Variants in FCF1 observed in about 807,000 individuals in gnomAD.
FCF1 encodes the protein FCF1 rRNA-processing protein.
Under a neutral mutation model 32.5 loss-of-function variants are expected in FCF1, and 17 were observed. That is an observed-to-expected ratio of 0.52 (90% CI 0.36 to 0.78). The LOEUF (loss-of-function observed/expected upper bound fraction) is 0.78. FCF1 is among the 30% of genes least tolerant of loss of function. FCF1 has a pLI of 0.00. For synonymous variants in FCF1, 84 were observed against 78.4 expected, an observed-to-expected ratio of 1.07 and a Z score of -0.38; for missense variants, 201 against 241.1, an observed-to-expected ratio of 0.83 and a Z score of 1.10.
intron 6 of FCF1, among the ~76,000 whole-genome samples, chr14:74,733,413 C>G (rs1594793164): frequency 2.2e-5 from 1 of 45,532 alleles, no homozygotes; most frequent in Non-Finnish European, 4.4e-5. Flanking sequence ...CACTTCACCC[C>G]ATGGGGCGGG....
chr14:74,722,349 A>G (rs1455657792), intron 4 of FCF1, among the ~76,000 whole-genome samples: 3 of 152,000 alleles, frequency 2.0e-5, no homozygotes, highest in Admixed American at 2.0e-4. Context: ...CGCCCGGCCA[A>G]TATTGGATAT....
intron 2 of FCF1, 68 bp downstream of exon 2, chr14:74,713,620 T>A: frequency 7.2e-7 from 1 of 1,392,224 alleles, no homozygotes; most frequent in East Asian, 2.3e-5. Context: ...GTAGTAAAAA[T>A]GTTTGTTGTT....
chr14:74,717,672 A>G (rs952627968), intron 4 of FCF1, among the ~76,000 whole-genome samples: 5 of 152,134 alleles, frequency 3.3e-5, no homozygotes, highest in African/African-American at 4.8e-5. Flanking sequence ...GTCTCTTTGT[A>G]TTTCCCATGG....
rs776161528 is a variant in FCF1, at chr14:74,713,175, A to G, written c.-23A>G. On this transcript the variant is annotated 5_prime_UTR_variant, in exon 1 of 8. Transcript: ENST00000341162. ...GTATTGCGCCGTTGGTGATTACGGA[A>G]GAACCAGGAGTTTGGCGTGACCATG... 6.2e-7 allele frequency: 1 copy of G among 1,614,220 alleles called. No individual in the cohort carries two copies. The highest frequency in any genetic ancestry group is 1.3e-5 in the African/African-American group (1 of 75,048).
At chr14:74,713,269 C>T (rs2090357489) in intron 1 of FCF1, 69 bp downstream of exon 1, 1 of 1,614,098 alleles carries the variant, frequency 6.2e-7, no homozygotes, top group East Asian at 2.2e-5. Context: ...GGTAGTCAGA[C>T]CGTGGCCAAA....
chr14:74,729,392 A>G (rs1264254063), intron 5 of FCF1, among the ~76,000 whole-genome samples: 1 of 151,870 alleles, frequency 6.6e-6, no homozygotes, highest in Non-Finnish European at 1.5e-5. Flanking sequence ...ATTTGCGTAG[A>G]GGTGTTTGTA....
rs2090396883 is a variant in FCF1 at position 74,714,945 on chromosome 14, T to G, written c.143+2T>G. ...CAGCGCATTAAAGGAAAGAGAAGTG[T>G]GAGTAATCAAACGTTTGAAGTTTTC... On this transcript the variant is annotated splice_donor_variant, in intron 3 of 7. Transcript: ENST00000341162. LOFTEE classifies it high-confidence loss of function. 1.9e-6 allele frequency: 3 copies of G among 1,589,326 alleles called. No homozygotes were observed. The highest frequency in any genetic ancestry group is 2.6e-6 in the Non-Finnish European group (3 of 1,170,508).
At chr14:74,722,267 C>T (rs1422954987) in intron 4 of FCF1, among the ~76,000 whole-genome samples, 3 of 151,918 alleles carry the variant, frequency 2.0e-5, no homozygotes, top group Non-Finnish European at 4.4e-5. Flanking sequence ...AGGCTGGTCT[C>T]GAACTCCTGA....
chr14:74,719,842 A>C (rs2090476706), intron 4 of FCF1, among the ~76,000 whole-genome samples: 1 of 152,074 alleles, frequency 6.6e-6, no homozygotes, highest in African/African-American at 2.4e-5. Flanking sequence ...AATCTGTGTG[A>C]GATGGAGGGT....
chr14:74,723,323 A>G lies in FCF1; in HGVS notation c.344A>G (p.Gln115Arg), dbSNP rs1036497356. The change falls in exon 5 of 8, where the codon CAG becomes CGG. Residue 115 changes from glutamine to arginine, a missense_variant. This residue lies in a region of FCF1 where 121 missense variants were observed against 147.8 expected (regional missense o/e 0.82). Coordinates refer to ENST00000341162, the MANE Select transcript of FCF1 (RefSeq NM_015962.5). ...ATGGCTGAAATTGAGAAATTGGGGC[A>G]GAAGTATCGAGTGGCTCTAAGGTAG... ...CVMAEIEKLG[Q>R]KYRVALRIAK... 10 of 1,613,472 alleles carry G rather than the reference A, an allele frequency of 6.2e-6. No individual in the cohort carries two copies. The highest frequency in any genetic ancestry group is 8.5e-6 in the Non-Finnish European group (10 of 1,179,502).
chr14:74,738,361 C>T lies in FCF1; in HGVS notation c.*3431C>T, dbSNP rs893740884. 2.6e-5 allele frequency: 4 copies of T among 152,050 alleles called. No homozygotes were observed. The highest frequency in any genetic ancestry group is 1.9e-4 in the East Asian group (1 of 5,204). The allele number at this position is 152,050 out of a possible 1,614,324, so 9.4% of individuals were successfully genotyped here. ...TTAGGAAAATAAATGTAAAGAAAAA[C>T]GTGTTTATCACCTTTGGATAGAATT... On this transcript the variant is annotated 3_prime_UTR_variant, in exon 8 of 8. Transcript: ENST00000341162.
chr14:74,733,220 G>A (rs2090660637), intron 6 of FCF1, among the ~76,000 whole-genome samples: 1 of 152,186 alleles, frequency 6.6e-6, no homozygotes, highest in Admixed American at 6.5e-5. Flanking sequence ...TAATCCAAAA[G>A]TGCTTCTTAG....
chr14:74,728,117 G>A (rs1448606827), intron 5 of FCF1, among the ~76,000 whole-genome samples: 1 of 152,164 alleles, frequency 6.6e-6, no homozygotes, highest in African/African-American at 2.4e-5. Flanking sequence ...GAACTTTAAA[G>A]TAGTTTTTTC....
At chr14:74,715,856 C>G in intron 3 of FCF1, 95 bp from the exon 4 acceptor site, 2 of 1,610,030 alleles carry the variant, frequency 1.2e-6, no homozygotes, top group Non-Finnish European at 1.7e-6. Context: ...AAAGAGTTTA[C>G]AGCAAACAGT....
At chr14:74,729,048 T>A (rs545019344) in intron 5 of FCF1, among the ~76,000 whole-genome samples, 1 of 152,330 alleles carries the variant, frequency 6.6e-6, no homozygotes, top group Non-Finnish European at 1.5e-5. Context: ...ATCAAGGATA[T>A]TGGTCTAAAA....
chr14:74,725,069 TAAAAA>T (rs34861456), intron 5 of FCF1, among the ~76,000 whole-genome samples: 1 of 146,700 alleles, frequency 6.8e-6, no homozygotes, highest in Non-Finnish European at 1.5e-5. Context: ...TGGGTTCTGG[TAAAAA>T]AAAAAAGAAA....
chr14:74,715,080 CAT>C, intron 3 of FCF1, 137 bp downstream of exon 3: 1 of 831,706 alleles, frequency 1.2e-6, no homozygotes, highest in Non-Finnish European at 1.8e-6. Flanking sequence ...TATCGATGAG[CAT>C]ATATCAATTC....
At position 74,713,454 on chromosome 14, in the gene FCF1, A is replaced by C. The variant is rs769537759; in HGVS notation, c.4-31A>C. 10 of 1,608,600 alleles carry C rather than the reference A, an allele frequency of 6.2e-6. No homozygotes were observed. In the East Asian group the frequency reaches 2.0e-4, roughly 32 times the overall value. On this transcript the variant is annotated intron_variant, in intron 1 of 7. Transcript: ENST00000341162. Reference sequence around the variant, plus strand: ...CTTTAAAAGATGCCGTGTGTTTCCAACTTTTTTAATTCTAAAATTTCTGTT... The same window carrying C: ...CTTTAAAAGATGCCGTGTGTTTCCACCTTTTTTAATTCTAAAATTTCTGTT...
intron 7 of FCF1, 60 bp downstream of exon 7, chr14:74,734,230 AG>A (rs1283510508): frequency 1.0e-6 from 1 of 952,718 alleles, no homozygotes; most frequent in Non-Finnish European, 1.7e-6. Flanking sequence ...ATTGAAAATG[AG>A]GATAAGTGAT....
Sources: gnomAD v4.1 joint callset for allele counts (sites outside exome capture counted in the v4.1 genomes callset) on GRCh38, gnomAD v4.1.1 for gene constraint, gnomAD v4.1.1 regional missense constraint, MANE v1.5 for transcripts, NCBI Gene and HGNC (gene_info 2026-07-23, HGNC 2026-07-21) for gene names.